The following TRMT11 variants were observed in gnomAD, a reference collection of about 807,000 sequenced individuals.
The protein encoded by TRMT11 is tRNA methyltransferase 11.
A neutral mutation model predicts 62.8 loss-of-function variants in TRMT11; 53 were observed. The observed-to-expected ratio is 0.84, with a 90% CI of 0.68 to 1.06. The LOEUF is 1.06. Among genes scored for constraint, TRMT11 ranks in the 50% least tolerant of loss-of-function variants. The pLI is 0.00. For missense variants in TRMT11, 556 were observed against 553.4 expected (o/e 1.00, Z -0.05); for synonymous variants, 188 against 190.3 (o/e 0.99, Z 0.10).
At chr6:126,066,922 TA>T (rs371763379) in intron 17 of TRMT11, among the ~76,000 whole-genome samples, 1,005 of 136,880 alleles carry the variant, frequency 7.3e-3, no homozygotes, top group Non-Finnish European at 7.9e-3. Flanking sequence ...ATTCATGACT[TA>T]AAAAAAAAAA....
chr6:126,012,897 C>A, intron 10 of TRMT11, 45 bp downstream of exon 10: 1 of 1,606,584 alleles, frequency 6.2e-7, no homozygotes, highest in Non-Finnish European at 8.5e-7. Flanking sequence ...TGAGAAGAGG[C>A]ATGTGGCTTC....
intron 1 of TRMT11, among the ~76,000 whole-genome samples, chr6:125,987,505 G>A (rs537538899): frequency 6.6e-6 from 1 of 152,282 alleles, no homozygotes; most frequent in East Asian, 1.9e-4. Flanking sequence ...TTATTGAAAA[G>A]CCTTAAGTAA....
intron 21 of TRMT11, among the ~76,000 whole-genome samples, chr6:126,149,007 T>G (rs1778006406): frequency 6.6e-6 from 1 of 152,162 alleles, no homozygotes; most frequent in African/African-American, 2.4e-5. Context: ...AGCTGCTGGG[T>G]GTGGCTGTGA....
intron 2 of TRMT11, among the ~76,000 whole-genome samples, chr6:125,994,971 C>A (rs980974418): frequency 6.6e-6 from 1 of 152,018 alleles, no homozygotes; most frequent in African/African-American, 2.4e-5. Flanking sequence ...CACACTGGAG[C>A]CTGTTGGGGG....
chr6:126,080,033 T>C (rs1026992224), intron 17 of TRMT11, among the ~76,000 whole-genome samples: 1 of 152,172 alleles, frequency 6.6e-6, no homozygotes, highest in Non-Finnish European at 1.5e-5. Flanking sequence ...GTGAGCAGTC[T>C]GCTAGTGTAT....
chr6:126,127,749 G>A (rs1312888743), intron 21 of TRMT11, among the ~76,000 whole-genome samples: 2 of 146,854 alleles, frequency 1.4e-5, no homozygotes, highest in Non-Finnish European at 3.0e-5. Flanking sequence ...GTGAGAACAC[G>A]TGGTGTTTGC....
chr6:126,154,044 A>C (rs1221329637), intron 21 of TRMT11, among the ~76,000 whole-genome samples: 1 of 152,170 alleles, frequency 6.6e-6, no homozygotes. Context: ...CGTTGGTACC[A>C]CTAGCATAGG....
the TRMT11 span, among the ~76,000 whole-genome samples, chr6:126,237,748 A>G: frequency 6.6e-6 from 1 of 152,156 alleles, no homozygotes; most frequent in Non-Finnish European, 1.5e-5. Context: ...AACTAATTCT[A>G]AATCAAAGAA....
chr6:126,012,996 T>G lies in TRMT11; in HGVS notation c.1034T>G (p.Leu345Trp). 1 of 1,613,584 alleles carries G rather than the reference T, an allele frequency of 6.2e-7. No individual in the cohort carries two copies. Residue 345 changes from leucine (L) to tryptophan (W), a missense_variant, in exon 11 of 13, where the codon TTG becomes TGG. Physicochemically the swap from Leu to Trp is moderately conservative, Grantham distance 61 (BLOSUM62 -2). Coordinates refer to ENST00000334379, the MANE Select transcript of TRMT11 (RefSeq NM_001031712.3). The part of the protein sequence containing the change: ...KCPESHVPVS[L>W]SYHLSDMFLD... ...CCAGAAAGCCATGTTCCTGTTTCCT[T>G]GAGTTATCATCTGAGTGATATGTTT...
At chr6:126,151,906 T>TTTCTTTCTTTCTTTCTTC (rs778602178) in intron 21 of TRMT11, among the ~76,000 whole-genome samples, 1 of 1,902 alleles carries the variant, frequency 5.3e-4, no homozygotes, top group African/African-American at 3.4e-3. Flanking sequence ...CTTTCTTTTC[T>TTTCTTTCTTTCTTTCTTC]CTTTCTTTCT....
intron 16 of TRMT11, among the ~76,000 whole-genome samples, chr6:126,044,412 A>G (rs528877971): frequency 7.9e-5 from 12 of 152,136 alleles, no homozygotes; most frequent in Non-Finnish European, 1.5e-4. Flanking sequence ...CCGTCGATCT[A>G]TATCTCTGTT....
chr6:126,038,075 C>G (rs1197393062), intron 12 of TRMT11, among the ~76,000 whole-genome samples: 1 of 151,958 alleles, frequency 6.6e-6, no homozygotes, highest in Non-Finnish European at 1.5e-5. Flanking sequence ...TGACATTAAC[C>G]CAGGTTGCTA....
At chr6:126,038,581 A>G (rs1233366227) in intron 12 of TRMT11, 124 bp from the exon 13 acceptor site, 1 of 703,006 alleles carries the variant, frequency 1.4e-6, no homozygotes, top group Admixed American at 2.9e-5. Context: ...TCAAGTAGTG[A>G]AGGAAGATAA....
At chr6:126,254,059 G>C in the TRMT11 span, among the ~76,000 whole-genome samples, 1 of 152,144 alleles carries the variant, frequency 6.6e-6, no homozygotes, top group Admixed American at 6.5e-5. Context: ...CTCTGACAAA[G>C]CACCATCCTT....
intron 1 of TRMT11, among the ~76,000 whole-genome samples, chr6:126,188,424 C>T (rs2128245006): frequency 6.6e-6 from 1 of 152,096 alleles, no homozygotes; most frequent in African/African-American, 2.4e-5. Flanking sequence ...TTGAAAACCA[C>T]AAGATAACAT....
intron 17 of TRMT11, among the ~76,000 whole-genome samples, chr6:126,077,302 CAG>C (rs375099302): frequency 1.9e-3 from 286 of 152,242 alleles, no homozygotes; most frequent in African/African-American, 6.6e-3. Context: ...GTAAAACTAA[CAG>C]AGCAATTTGG....
chr6:126,200,349 A>G (rs1035379684), intron 3 of TRMT11, among the ~76,000 whole-genome samples: 4 of 152,232 alleles, frequency 2.6e-5, no homozygotes, highest in Non-Finnish European at 5.9e-5. Flanking sequence ...TATCATTACC[A>G]TAACATTCTC....
intron 21 of TRMT11, among the ~76,000 whole-genome samples, chr6:126,170,558 T>G (rs556004889): frequency 1.2e-3 from 187 of 151,882 alleles, no homozygotes; most frequent in Non-Finnish European, 2.0e-3. Context: ...TGGGTCTCAT[T>G]TTTTTTTATC....
At chr6:125,998,763 A>G in intron 6 of TRMT11, 79 bp downstream of exon 6, 1 of 1,368,798 alleles carries the variant, frequency 7.3e-7, no homozygotes, top group South Asian at 1.3e-5. Flanking sequence ...ACTCCTATGT[A>G]GAACTTTAAA....
Sources: allele counts gnomAD v4.1 joint callset (sites outside exome capture counted in the v4.1 genomes callset), GRCh38; gene constraint gnomAD v4.1.1; transcripts MANE v1.5; gene names NCBI Gene and HGNC (gene_info 2026-07-23, HGNC 2026-07-21).